The following BAIAP2L1 variants were observed in gnomAD, a reference collection of about 807,000 sequenced individuals.
The protein encoded by BAIAP2L1 is BAR/IMD domain containing adaptor protein 2 like 1, also known as BAR/IMD domain-containing adapter protein 2-like 1.
BAIAP2L1 carries 35 observed loss-of-function variants against 66.3 expected under a neutral mutation model. That is an observed-to-expected ratio of 0.53 (90% confidence interval 0.40 to 0.70). The LOEUF is 0.70. Ranked by LOEUF, BAIAP2L1 falls within the 30% of genes least tolerant of loss-of-function variation. The pLI is 0.00. For synonymous variants in BAIAP2L1, 269 were observed against 248.7 expected, an observed-to-expected ratio of 1.08 and a Z score of -0.77; for missense variants, 622 against 656.9, an observed-to-expected ratio of 0.95 and a Z score of 0.58.
intron 3 of BAIAP2L1, among the ~76,000 whole-genome samples, chr7:98,340,199 A>G (rs1455765888): frequency 6.6e-6 from 1 of 152,230 alleles, no homozygotes; most frequent in Non-Finnish European, 1.5e-5. Context: ...TCAGGTTGAC[A>G]CTTAGGATGT....
At chr7:98,371,005 G>A (rs1802500057) in intron 1 of BAIAP2L1, among the ~76,000 whole-genome samples, 2 of 152,174 alleles carry the variant, frequency 1.3e-5, no homozygotes, top group African/African-American at 4.8e-5. Context: ...AGCTGTAGTT[G>A]AGGCAAAGGT....
chr7:98,368,280 G>A (rs541258383), intron 1 of BAIAP2L1, among the ~76,000 whole-genome samples: 54 of 152,094 alleles, frequency 3.6e-4, no homozygotes, highest in Non-Finnish European at 6.5e-4. Flanking sequence ...ATTAGCGGGC[G>A]TGGTGGCGTT....
At position 98,401,022 on chromosome 7, in the gene BAIAP2L1, A is replaced by G. The variant is rs1026927145; in HGVS notation, c.-170T>C. The stretch of plus-strand genomic sequence containing the variant: ...CGCGCGTCTCCGCTGCGAAAATGTC[A>G]AAACTTGCGGCAGCGCCGCCCTGGC... On this transcript the variant is annotated 5_prime_UTR_variant, in exon 1 of 14. Coordinates refer to ENST00000005260, the MANE Select transcript of BAIAP2L1 (RefSeq NM_018842.5). 1.8e-5 allele frequency: 9 copies of G among 502,854 alleles called. No homozygotes were observed. The highest frequency in any genetic ancestry group is 2.2e-5 in the Non-Finnish European group (7 of 318,388). 31.1% of individuals were successfully genotyped at this position (502,854 alleles called of 1,614,324 possible).
chr7:98,352,758 C>T (rs1802026968), intron 3 of BAIAP2L1, among the ~76,000 whole-genome samples: 2 of 152,104 alleles, frequency 1.3e-5, no homozygotes, highest in Non-Finnish European at 2.9e-5. Flanking sequence ...TTGTTTATAC[C>T]AACATCGTTG....
chr7:98,302,407 G>A (rs1223165720), intron 12 of BAIAP2L1, among the ~76,000 whole-genome samples: 2 of 152,198 alleles, frequency 1.3e-5, no homozygotes, highest in East Asian at 3.8e-4. Context: ...CCTCAATAAA[G>A]CAGCAGGCTA....
At chr7:98,343,235 T>TG (rs1310997284) in intron 3 of BAIAP2L1, among the ~76,000 whole-genome samples, 1 of 131,782 alleles carries the variant, frequency 7.6e-6, no homozygotes, top group East Asian at 2.2e-4. Context: ...CTGTCTCTAC[T>TG]GGAAAAAAAA....
At chr7:98,337,290 G>A (rs560177303) in intron 3 of BAIAP2L1, among the ~76,000 whole-genome samples, 1 of 150,996 alleles carries the variant, frequency 6.6e-6, no homozygotes, top group South Asian at 2.1e-4. Flanking sequence ...GGAGTGGAAT[G>A]GTGCAATCTT....
intron 12 of BAIAP2L1, among the ~76,000 whole-genome samples, chr7:98,295,820 G>A (rs1304230085): frequency 6.6e-6 from 1 of 152,158 alleles, no homozygotes; most frequent in Admixed American, 6.5e-5. Context: ...ACTTTAAAAA[G>A]GTCCCAGTAA....
chr7:98,353,340 A>AATATATTTATATATTTATATATACAC (rs1802040813), intron 3 of BAIAP2L1, among the ~76,000 whole-genome samples: 2 of 137,252 alleles, frequency 1.5e-5, no homozygotes, highest in East Asian at 4.0e-4. Flanking sequence ...TAAATATATA[A>AATATATTTATATATTTATATATACAC]ATATATTTAT....
chr7:98,298,622 CA>C (rs949069361), intron 12 of BAIAP2L1, among the ~76,000 whole-genome samples: 1 of 151,510 alleles, frequency 6.6e-6, no homozygotes, highest in South Asian at 2.1e-4. Context: ...CAAAACAAAA[CA>C]AAAAAAACAT....
chr7:98,376,504 C>A (rs1802633929), intron 1 of BAIAP2L1, among the ~76,000 whole-genome samples: 1 of 151,210 alleles, frequency 6.6e-6, no homozygotes, highest in Admixed American at 6.6e-5. Flanking sequence ...CAGAGGGAGA[C>A]CTTGTCTCAA....
chr7:98,317,785 G>A lies in BAIAP2L1; in HGVS notation c.349-429C>T, dbSNP rs946699928. Among the ~76,000 whole-genome samples the A allele has an allele frequency of 7.3e-5, 11 of 149,764 alleles. 1 individual carries two copies. Among genetic ancestry groups the A allele is most frequent in the African/African-American group, 2.7e-4 (11 of 40,470 alleles). On this transcript the variant is annotated intron_variant, in intron 5 of 13. Coordinates refer to ENST00000005260, the MANE Select transcript of BAIAP2L1 (RefSeq NM_018842.5). ...TTCACATCATCCTCACACTGGCCGG[G>A]GCCCTCGCTCATTTCACACCATCTT...
At chr7:98,334,608 G>A (rs935136954) in intron 3 of BAIAP2L1, among the ~76,000 whole-genome samples, 4 of 151,900 alleles carry the variant, frequency 2.6e-5, no homozygotes, top group South Asian at 4.1e-4. Context: ...GCAGTGGCAC[G>A]ACCTCGGCTC....
chr7:98,317,460 G>T, intron 5 of BAIAP2L1, 104 bp from the exon 6 acceptor site: 1 of 1,418,392 alleles, frequency 7.1e-7, no homozygotes, highest in Non-Finnish European at 9.7e-7. Context: ...ACGGGGCCCT[G>T]ACACCCTCAC....
At chr7:98,395,054 T>G (rs1803167631) in intron 1 of BAIAP2L1, among the ~76,000 whole-genome samples, 1 of 150,618 alleles carries the variant, frequency 6.6e-6, no homozygotes, top group African/African-American at 2.5e-5. Context: ...AGGGTTGTAA[T>G]GAGCCGAGAT....
At chr7:98,373,499 A>C (rs1039839246) in intron 1 of BAIAP2L1, among the ~76,000 whole-genome samples, 2 of 152,104 alleles carry the variant, frequency 1.3e-5, no homozygotes, top group Admixed American at 1.3e-4. Context: ...AGGTGTGGGG[A>C]ACTTGGCAGA....
intron 1 of BAIAP2L1, among the ~76,000 whole-genome samples, chr7:98,382,963 A>G (rs1382636264): frequency 6.6e-6 from 1 of 151,996 alleles, no homozygotes; most frequent in Non-Finnish European, 1.5e-5. Context: ...GGAGTTCGAG[A>G]CCAGCCTGAC....
chr7:98,391,570 G>A (rs1803044515), intron 1 of BAIAP2L1, among the ~76,000 whole-genome samples: 1 of 151,954 alleles, frequency 6.6e-6, no homozygotes, highest in South Asian at 2.1e-4. Context: ...AAATTAGCCG[G>A]GCATGGTGGC....
At chr7:98,297,193 A>G (rs1008111408) in intron 12 of BAIAP2L1, among the ~76,000 whole-genome samples, 16 of 152,218 alleles carry the variant, frequency 1.1e-4, no homozygotes, top group African/African-American at 3.6e-4. Flanking sequence ...GTGATCCCCC[A>G]TCTCCCGCAA....
Sources: allele counts gnomAD v4.1 joint callset (sites outside exome capture counted in the v4.1 genomes callset), GRCh38; gene constraint gnomAD v4.1.1; transcripts MANE v1.5; gene names NCBI Gene and HGNC (gene_info 2026-07-23, HGNC 2026-07-21).